INPP4B: variants seen among roughly 807,000 people sequenced by gnomAD.
The protein encoded by INPP4B is inositol polyphosphate-4-phosphatase type II B.
Under a neutral mutation model 122.5 loss-of-function variants are expected in INPP4B, and 55 were observed. That is an observed-to-expected ratio of 0.45 (90% CI 0.36 to 0.56). The LOEUF is 0.56. Ranked by LOEUF, INPP4B falls within the 20% of genes least tolerant of loss-of-function variation. The pLI, the probability that INPP4B is intolerant of heterozygous loss-of-function variation, is 0.00. For missense variants in INPP4B, 1,000 were observed against 1,097.7 expected (o/e 0.91, Z 1.26); for synonymous variants, 403 against 388.7 (o/e 1.04, Z -0.43).
At chr4:142,281,418 TAG>T (rs1346168464) in intron 9 of INPP4B, among the ~76,000 whole-genome samples, 1 of 151,828 alleles carries the variant, frequency 6.6e-6, no homozygotes, top group Non-Finnish European at 1.5e-5. Flanking sequence ...AAAATGCTTT[TAG>T]ACACTCTGAA....
At chr4:142,099,625 A>G (rs2152631263) in intron 23 of INPP4B, among the ~76,000 whole-genome samples, 1 of 152,274 alleles carries the variant, frequency 6.6e-6, no homozygotes, top group South Asian at 2.1e-4. Flanking sequence ...AGTTTATTAA[A>G]AATACCATAT....
intron 1 of INPP4B, among the ~76,000 whole-genome samples, chr4:142,795,859 T>A (rs894771290): frequency 3.3e-5 from 5 of 152,008 alleles, no homozygotes; most frequent in African/African-American, 1.2e-4. Context: ...ATCTTTTATA[T>A]CCTACTGTTC....
chr4:142,574,502 T>A (rs1327745171), intron 2 of INPP4B, among the ~76,000 whole-genome samples: 1 of 152,028 alleles, frequency 6.6e-6, no homozygotes, highest in Non-Finnish European at 1.5e-5. Context: ...TGAGTCACTT[T>A]CAGCCTTACC....
At chr4:142,770,064 C>G (rs1772799748) in intron 1 of INPP4B, among the ~76,000 whole-genome samples, 1 of 152,158 alleles carries the variant, frequency 6.6e-6, no homozygotes. Flanking sequence ...AACTGTAGCT[C>G]TTTGAGCTCA....
At chr4:142,208,578 A>G (rs749484159) in intron 13 of INPP4B, 49 bp from the exon 14 acceptor site, 3 of 992,932 alleles carry the variant, frequency 3.0e-6, no homozygotes, top group South Asian at 3.2e-5. Flanking sequence ...TGATAAATTA[A>G]TATGTGTGTT....
At chr4:142,198,548 C>T (rs767894065) in intron 14 of INPP4B, among the ~76,000 whole-genome samples, 3 of 151,406 alleles carry the variant, frequency 2.0e-5, no homozygotes, top group African/African-American at 7.3e-5. Flanking sequence ...AAAAAAAATC[C>T]TTCCACAGTC....
chr4:142,193,344 G>C (rs1836801467), intron 14 of INPP4B, 149 bp from the exon 15 acceptor site: 1 of 561,934 alleles, frequency 1.8e-6, no homozygotes, highest in Non-Finnish European at 3.2e-6. Flanking sequence ...TCTCAAGGGG[G>C]AAAGAGGAGC....
chr4:142,641,277 A>T (rs1750360734), intron 2 of INPP4B, among the ~76,000 whole-genome samples: 1 of 152,044 alleles, frequency 6.6e-6, no homozygotes, highest in South Asian at 2.1e-4. Context: ...CATTTTATAT[A>T]TATTTATTAT....
intron 16 of INPP4B, among the ~76,000 whole-genome samples, chr4:142,171,320 G>A (rs191830064): frequency 7.2e-4 from 109 of 151,880 alleles, no homozygotes; most frequent in African/African-American, 2.5e-3. Context: ...TCTTGAATAT[G>A]CTATATGGAT....
chr4:142,040,056 A>C (rs1005570244), intron 25 of INPP4B, among the ~76,000 whole-genome samples: 3 of 151,978 alleles, frequency 2.0e-5, no homozygotes, highest in Admixed American at 1.3e-4. Context: ...ATACAGAATA[A>C]AAGGATCTTT....
At chr4:142,587,931 G>T (rs1736588726) in intron 2 of INPP4B, among the ~76,000 whole-genome samples, 3 of 151,778 alleles carry the variant, frequency 2.0e-5, no homozygotes, top group African/African-American at 7.2e-5. Flanking sequence ...ATGCAAAAAT[G>T]CTCAACAAAA....
chr4:142,741,291 A>T (rs1767859761), intron 1 of INPP4B, among the ~76,000 whole-genome samples: 3 of 151,988 alleles, frequency 2.0e-5, no homozygotes, highest in Admixed American at 2.0e-4. Context: ...GAGGGTGAAG[A>T]GGGAGTAGAC....
At position 142,711,565 on chromosome 4, in the gene INPP4B, C is replaced by T. The variant is rs190331350; in HGVS notation, c.-191+14274G>A. On this transcript the variant is annotated intron_variant, in intron 2 of 25. Transcript: ENST00000262992. ...AGTACACATGGCTATGTGTATTATG[C>T]TATTCAGTTATCTCTCACTAATACA... Among the ~76,000 whole-genome samples the T allele has an allele frequency of 9.4e-4, 143 of 152,084 alleles. 1 individual carries two copies. Among genetic ancestry groups the T allele is most frequent in the African/African-American group, 3.3e-3 (136 of 41,470 alleles).
In INPP4B at chr4:142,838,364, G is replaced by GA. The variant is rs779595214; in HGVS notation, c.-254+7844dup. On this transcript the variant is annotated intron_variant, in intron 1 of 25. Transcript: ENST00000262992. ...TTATAATCAGAAAAATAGAGAGTAGGAAAAAAAAAGAAAGAAATCCTAGAA... is the reference window on the plus strand; with the variant it reads ...TTATAATCAGAAAAATAGAGAGTAGGAAAAAAAAAAGAAAGAAATCCTAGAA... 8.4e-3 allele frequency among the ~76,000 whole-genome samples: 1,234 copies of GA among 146,060 alleles called. 10 individuals carry two copies. The highest frequency in any genetic ancestry group is 0.024 in the African/African-American group (961 of 39,924).
At chr4:142,387,355 C>T (rs948461245) in intron 7 of INPP4B, among the ~76,000 whole-genome samples, 5 of 151,730 alleles carry the variant, frequency 3.3e-5, no homozygotes, top group Non-Finnish European at 7.4e-5. Context: ...CTAAAAATCT[C>T]ATTTCTTTCT....
At chr4:142,055,297 G>T (rs1757022162) in intron 25 of INPP4B, among the ~76,000 whole-genome samples, 1 of 152,010 alleles carries the variant, frequency 6.6e-6, no homozygotes. Flanking sequence ...TGCACCACCT[G>T]AAAAGAGATG....
chr4:142,350,876 C>T (rs1273653072), intron 7 of INPP4B, among the ~76,000 whole-genome samples: 1 of 151,994 alleles, frequency 6.6e-6, no homozygotes, highest in African/African-American at 2.4e-5. Context: ...GGCTGAGACT[C>T]TCAAAACCAT....
chr4:142,843,104 A>C (rs1448764050), intron 1 of INPP4B, among the ~76,000 whole-genome samples: 1 of 150,140 alleles, frequency 6.7e-6, no homozygotes, highest in East Asian at 1.9e-4. Context: ...AGAGTAATTA[A>C]AATTTTTGCA....
At chr4:142,284,093 T>C (rs909340089) in intron 9 of INPP4B, among the ~76,000 whole-genome samples, 1 of 152,080 alleles carries the variant, frequency 6.6e-6, no homozygotes, top group Non-Finnish European at 1.5e-5. Context: ...TCATGACAAA[T>C]GCTGTTTAGC....
Sources: allele counts gnomAD v4.1 joint callset (sites outside exome capture counted in the v4.1 genomes callset), GRCh38; gene constraint gnomAD v4.1.1; transcripts MANE v1.5; gene names NCBI Gene and HGNC (gene_info 2026-07-23, HGNC 2026-07-21).